The following ABRAXAS1 variants were observed in gnomAD, a reference collection of about 807,000 sequenced individuals.
The protein encoded by ABRAXAS1 is BRCA1-A complex subunit Abraxas 1.
Under a neutral mutation model 38.4 loss-of-function variants are expected in ABRAXAS1, and 26 were observed. The observed-to-expected ratio is 0.68, with a 90% CI of 0.50 to 0.94. ABRAXAS1 has a LOEUF of 0.94. Ranked by LOEUF, ABRAXAS1 falls within the 40% of genes least tolerant of loss-of-function variation. ABRAXAS1 has a pLI of 0.00. For synonymous variants in ABRAXAS1, 144 were observed against 165.5 expected, an observed-to-expected ratio of 0.87 and a Z score of 1.00; for missense variants, 438 against 481.9, an observed-to-expected ratio of 0.91 and a Z score of 0.85.
intron 2 of ABRAXAS1, 75 bp downstream of exon 2, chr4:83,482,079 C>G: frequency 1.1e-6 from 1 of 946,824 alleles, no homozygotes; most frequent in Non-Finnish European, 1.6e-6. Flanking sequence ...ATAATTTACG[C>G]TGACCCCTTT....
At position 83,461,140 on chromosome 4, in the gene ABRAXAS1, C is replaced by T. The variant is rs757293257; in HGVS notation, c.*1329G>A. 6 of 1,613,500 alleles carry T rather than the reference C, an allele frequency of 3.7e-6. No homozygotes were observed. Among genetic ancestry groups the T allele is most frequent in the Non-Finnish European group, 5.1e-6 (6 of 1,179,808 alleles). On this transcript the variant is annotated 3_prime_UTR_variant, in exon 9 of 9. Coordinates refer to ENST00000321945, the MANE Select transcript of ABRAXAS1 (RefSeq NM_139076.3). Reference sequence around the variant, plus strand: ...TTACAGGGTTTATGCCAGTTACATACAAGGATCCTGCATATCTCAAGGACC... The same window carrying T: ...TTACAGGGTTTATGCCAGTTACATATAAGGATCCTGCATATCTCAAGGACC...
At chr4:83,468,938 T>C in intron 6 of ABRAXAS1, 94 bp downstream of exon 6, 1 of 1,442,708 alleles carries the variant, frequency 6.9e-7, no homozygotes, top group South Asian at 1.2e-5. Context: ...TGGATTAATT[T>C]TCCCTTGAAT....
In ABRAXAS1 at chr4:83,460,025, C is replaced by T. The variant is rs944192309; in HGVS notation, c.*2444G>A. 2.6e-6 allele frequency: 1 copy of T among 385,976 alleles called. No individual in the cohort carries two copies. The highest frequency in any genetic ancestry group is 4.6e-5 in the East Asian group (1 of 21,818). 23.9% of individuals were successfully genotyped at this position (385,976 alleles called of 1,614,324 possible). A position where few individuals can be genotyped will look rare whatever the true frequency, so the allele number is the denominator to read the frequency against. ...TATAGAAAAACTGGGCTTTAAAAAA[C>T]TGTTGTTGATGTTTTGGAATATACT... On this transcript the variant is annotated 3_prime_UTR_variant, in exon 9 of 9. Transcript: ENST00000321945.
chr4:83,472,248 TCAG>T lies in ABRAXAS1; in HGVS notation c.253_255del (p.Leu85del), dbSNP rs1722612095. 1 of 1,534,914 alleles carries T rather than the reference TCAG, an allele frequency of 6.5e-7. No individual in the cohort carries two copies. Among genetic ancestry groups the T allele is most frequent in the Non-Finnish European group, 8.8e-7 (1 of 1,140,576 alleles). ...TTTTTGACATTTGATAATATTTTCT[TCAG>T]TGCTTGCTCATTTACTTCGCCTGAA... On this transcript the variant is annotated inframe_deletion, in exon 4 of 9. Coordinates refer to ENST00000321945, the MANE Select transcript of ABRAXAS1 (RefSeq NM_139076.3).
intron 8 of ABRAXAS1, 48 bp downstream of exon 8, chr4:83,463,446 T>A (rs756092226): frequency 1.5e-6 from 2 of 1,358,264 alleles, no homozygotes; most frequent in Non-Finnish European, 2.0e-6. Context: ...AATAAATAAA[T>A]AAATAAAAAT....
intron 2 of ABRAXAS1, chr4:83,479,545 C>A (rs1216541628): frequency 6.6e-6 from 1 of 151,752 alleles, no homozygotes; most frequent in Non-Finnish European, 1.5e-5. Flanking sequence ...CTCAACAGCA[C>A]AAAGAAATGT....
intron 2 of ABRAXAS1, 104 bp downstream of exon 2, chr4:83,482,050 A>C: frequency 1.4e-6 from 1 of 731,898 alleles, no homozygotes; most frequent in Admixed American, 3.1e-5. Flanking sequence ...CAGCCTCTGT[A>C]TTTCCTAATT....
At position 83,485,060 on chromosome 4, in the gene ABRAXAS1, T is replaced by G; in HGVS notation, c.13A>C (p.Ser5Arg). MEGESTSAVLSGFVL... is the reference protein window; with the variant it reads MEGERTSAVLSGFVL... Reference sequence around the variant, plus strand: ...AAGCCCGAGAGCACCGCCGACGTACTCTCCCCCTCCATGCTACCGCCGCCT... The same window carrying G: ...AAGCCCGAGAGCACCGCCGACGTACGCTCCCCCTCCATGCTACCGCCGCCT... The change falls in exon 1 of 9, where the codon AGT becomes CGT. Residue 5 changes from serine (S) to arginine (R), a missense_variant. Physicochemically the swap from Ser to Arg is moderately radical, Grantham distance 110. This residue lies in a region of ABRAXAS1 where 60 missense variants were observed against 31.1 expected (regional missense o/e 1.93). Coordinates refer to ENST00000321945, the MANE Select transcript of ABRAXAS1 (RefSeq NM_139076.3). 1 of 1,589,714 alleles carries G rather than the reference T, an allele frequency of 6.3e-7. No homozygotes were observed. Among genetic ancestry groups the G allele is most frequent in the Non-Finnish European group, 8.6e-7 (1 of 1,168,608 alleles).
rs1723088280 is a variant in ABRAXAS1, at chr4:83,484,028, ATTT to A, written c.87+955_87+957del. On this transcript the variant is annotated intron_variant, in intron 1 of 8. Coordinates refer to ENST00000321945, the MANE Select transcript of ABRAXAS1 (RefSeq NM_139076.3). ...TTTATTAGGATTGTGCCAAAGAGCA[ATTT>A]TGTAATGTTTAGATTTTGTAGAGAC... The A allele has an allele frequency of 6.1e-6, 6 of 983,214 alleles. No individual in the cohort carries two copies. The South Asian group carries it at 2.8e-4, about 46-fold the overall frequency. The allele number at this position is 983,214 out of a possible 1,614,324, so 60.9% of individuals were successfully genotyped here. A position where few individuals can be genotyped will look rare whatever the true frequency, so the allele number is the denominator to read the frequency against.
intron 2 of ABRAXAS1, chr4:83,477,708 T>C (rs949537530): frequency 3.2e-6 from 2 of 617,914 alleles, no homozygotes; most frequent in Non-Finnish European, 6.3e-6. Context: ...TATAGACGGA[T>C]GTTTCATGCT....
At chr4:83,470,596 G>C (rs1043106380) in intron 4 of ABRAXAS1, among the ~76,000 whole-genome samples, 200 bp from the exon 5 acceptor site, 1 of 152,106 alleles carries the variant, frequency 6.6e-6, no homozygotes, top group Non-Finnish European at 1.5e-5. Flanking sequence ...CCATTCATTT[G>C]AAAGGGTACG....
chr4:83,484,062 C>A, intron 1 of ABRAXAS1: 1 of 969,678 alleles, frequency 1.0e-6, no homozygotes. Flanking sequence ...GAGACCGGGT[C>A]TCACTACGTT....
intron 3 of ABRAXAS1, 135 bp from the exon 4 acceptor site, chr4:83,472,423 A>G: frequency 2.2e-6 from 1 of 447,920 alleles, no homozygotes; most frequent in South Asian, 4.0e-5. Flanking sequence ...TGAAGTCCTA[A>G]AATAAACAGT....
At position 83,472,284 on chromosome 4, in the gene ABRAXAS1, A is replaced by G; in HGVS notation, c.220T>C (p.Tyr74His). 1 of 1,497,924 alleles carries G rather than the reference A, an allele frequency of 6.7e-7. No individual in the cohort carries two copies. Among genetic ancestry groups the G allele is most frequent in the South Asian group, 1.3e-5 (1 of 74,512 alleles). 92.8% of individuals were successfully genotyped at this position (1,497,924 alleles called of 1,614,324 possible). A position where few individuals can be genotyped will look rare whatever the true frequency, so the allele number is the denominator to read the frequency against. The change falls in exon 4 of 9, where the codon TAT (tyrosine) becomes CAT (histidine). Residue 74 changes from tyrosine (Y) to histidine (H), a missense_variant. Transcript: ENST00000321945. ...TCATTTACTTCGCCTGAAGAATTAT[A>G]AAAGCTGTAAAAGCCAAAATTAAAG... ...YIPCYQLFSF[Y>H]NSSGEVNEQA...
At chr4:83,470,131 C>T in intron 5 of ABRAXAS1, 72 bp downstream of exon 5, 2 of 1,174,754 alleles carry the variant, frequency 1.7e-6, no homozygotes, top group Non-Finnish European at 2.4e-6. Context: ...ACTTTGTAAG[C>T]TGCAAAAAGT....
chr4:83,463,479 G>T lies in ABRAXAS1; in HGVS notation c.796+15C>A. On this transcript the variant is annotated intron_variant, in intron 8 of 8. Coordinates refer to ENST00000321945, the MANE Select transcript of ABRAXAS1 (RefSeq NM_139076.3). ...AATTTTTAGCACAGAAAGTAGAGAT[G>T]TGTTGTTTACTTACTTGCTGCCTGA... 1 of 1,508,170 alleles carries T rather than the reference G, an allele frequency of 6.6e-7. No individual in the cohort carries two copies. The highest frequency in any genetic ancestry group is 9.1e-7 in the Non-Finnish European group (1 of 1,099,238). The allele number at this position is 1,508,170 out of a possible 1,614,324, so 93.4% of individuals were successfully genotyped here.
In ABRAXAS1 at chr4:83,459,653, A is replaced by G; in HGVS notation, c.*2816T>C. ...TCTGAAATTTAGTAAAGCTTTATATAACCTGAAGGTTGTTTTTTGAAATTT... is the reference window on the plus strand; with the variant it reads ...TCTGAAATTTAGTAAAGCTTTATATGACCTGAAGGTTGTTTTTTGAAATTT... On this transcript the variant is annotated 3_prime_UTR_variant, in exon 9 of 9. Transcript: ENST00000321945. 8.6e-7 allele frequency: 1 copy of G among 1,162,042 alleles called. No individual in the cohort carries two copies. The highest frequency in any genetic ancestry group is 1.3e-6 in the Non-Finnish European group (1 of 793,574). The allele number at this position is 1,162,042 out of a possible 1,614,324, so 72.0% of individuals were successfully genotyped here.
At chr4:83,473,468 T>A (rs1722654940) in intron 3 of ABRAXAS1, among the ~76,000 whole-genome samples, 1 of 152,104 alleles carries the variant, frequency 6.6e-6, no homozygotes, top group South Asian at 2.1e-4. Context: ...CTGGAAGCAC[T>A]AGGTTTATGT....
Position 83,463,585 on chromosome 4 carries a change from G to C in ABRAXAS1, c.705C>G (p.Asp235Glu), listed in dbSNP as rs746885355. The change falls in exon 8 of 9, where the codon GAC becomes GAG. Residue 235 changes from aspartate (D) to glutamate (E), a missense_variant. Asp to Glu is a conservative substitution (Grantham distance 45, BLOSUM62 2). Coordinates refer to ENST00000321945, the MANE Select transcript of ABRAXAS1 (RefSeq NM_139076.3). Reference protein sequence around the residue: ...ELKSICKKVEDSEQAVDKLVK... With the variant: ...ELKSICKKVEESEQAVDKLVK... ...CTAGTTTATCTACTGCTTGTTCACT[G>C]TCTTCCACTTTTTTGCATATACTCT... The C allele has an allele frequency of 6.2e-7, 1 of 1,607,974 alleles. No individual in the cohort carries two copies. The highest frequency in any genetic ancestry group is 8.5e-7 in the Non-Finnish European group (1 of 1,177,744).
Sources: gnomAD v4.1 joint callset for allele counts (sites outside exome capture counted in the v4.1 genomes callset) on GRCh38, gnomAD v4.1.1 for gene constraint, gnomAD v4.1.1 regional missense constraint, MANE v1.5 for transcripts, NCBI Gene and HGNC (gene_info 2026-07-23, HGNC 2026-07-21) for gene names.